The following SLC13A1 variants were observed in gnomAD, a reference collection of about 807,000 sequenced individuals.
The protein encoded by SLC13A1 is solute carrier family 13 member 1.
Under a neutral mutation model 70.0 loss-of-function variants are expected in SLC13A1, and 65 were observed. That is an observed-to-expected ratio of 0.93 (90% CI 0.76 to 1.14). SLC13A1 has a LOEUF of 1.14. SLC13A1 is among the 50% of genes most tolerant of loss of function. The probability of loss-of-function intolerance (pLI) is 0.00; values close to 1 mark genes in which losing one functional copy is unlikely to be tolerated. For synonymous variants in SLC13A1, 275 were observed against 250.5 expected, an observed-to-expected ratio of 1.10 and a Z score of -0.92; for missense variants, 726 against 717.8, an observed-to-expected ratio of 1.01 and a Z score of -0.13.
At chr7:123,161,765 A>C (rs1187329945) in intron 6 of SLC13A1, among the ~76,000 whole-genome samples, 2 of 152,172 alleles carry the variant, frequency 1.3e-5, no homozygotes, top group African/African-American at 4.8e-5. Context: ...TGATAAAACA[A>C]AAGAAAACAA....
chr7:123,191,616 T>A (rs1052350230), intron 1 of SLC13A1, among the ~76,000 whole-genome samples: 1 of 152,188 alleles, frequency 6.6e-6, no homozygotes, highest in Non-Finnish European at 1.5e-5. Flanking sequence ...AGTAGACAGA[T>A]AAACCTGTTT....
intron 2 of SLC13A1, among the ~76,000 whole-genome samples, chr7:123,173,962 G>C (rs983527520): frequency 7.1e-6 from 1 of 140,538 alleles, no homozygotes; most frequent in African/African-American, 2.5e-5. Context: ...TTCCAGAGTC[G>C]GGAAGCTGTT....
intron 6 of SLC13A1, among the ~76,000 whole-genome samples, chr7:123,158,696 G>T (rs1405304009): frequency 6.6e-6 from 1 of 151,560 alleles, no homozygotes. Context: ...AAAGAGAAAA[G>T]ATTGCCTACA....
At chr7:123,171,002 A>C (rs1292180082) in intron 3 of SLC13A1, among the ~76,000 whole-genome samples, 1 of 152,192 alleles carries the variant, frequency 6.6e-6, no homozygotes, top group Non-Finnish European at 1.5e-5. Context: ...TAAATGAAAA[A>C]CACAGATGTG....
chr7:123,141,243 A>G (rs1054512957), intron 7 of SLC13A1, among the ~76,000 whole-genome samples: 1 of 151,986 alleles, frequency 6.6e-6, no homozygotes, highest in African/African-American at 2.4e-5. Context: ...GTATTTGATT[A>G]TTAGCTTTAT....
intron 4 of SLC13A1, among the ~76,000 whole-genome samples, chr7:123,168,872 A>G (rs911933313): frequency 2.0e-5 from 3 of 152,190 alleles, no homozygotes; most frequent in Non-Finnish European, 4.4e-5. Flanking sequence ...AGTAACCTGG[A>G]GGTCTACTGA....
At chr7:123,142,638 C>T (rs1398896377) in intron 7 of SLC13A1, among the ~76,000 whole-genome samples, 8 of 118,802 alleles carry the variant, frequency 6.7e-5, no homozygotes, top group East Asian at 2.6e-4. Context: ...GGGGCAAGAA[C>T]TTTTTTTTTT....
At chr7:123,155,545 T>C (rs1182173353) in intron 6 of SLC13A1, among the ~76,000 whole-genome samples, 1 of 152,108 alleles carries the variant, frequency 6.6e-6, no homozygotes, top group African/African-American at 2.4e-5. Context: ...TTTTATTTAT[T>C]TGGCAATCTC....
chr7:123,149,444 C>G (rs1216787985), intron 6 of SLC13A1: 7 of 456,158 alleles, frequency 1.5e-5, no homozygotes, highest in Non-Finnish European at 3.1e-5. Context: ...TCTATCTCAC[C>G]TTGTTAAGTA....
intron 1 of SLC13A1, among the ~76,000 whole-genome samples, chr7:123,183,410 CT>C (rs1221930962): frequency 6.6e-6 from 1 of 152,116 alleles, no homozygotes; most frequent in African/African-American, 2.4e-5. Context: ...TAGAGATTGA[CT>C]TGTATTTTTT....
rs201362717 is a variant in SLC13A1, at chr7:123,147,261, C to A, written c.710G>T (p.Arg237Leu). ...KYRTKKGHVT[R>L]KLTCLCIAYS... is the part of the protein sequence containing the mutation. The stretch of plus-strand genomic sequence containing the variant: ...GGCAATGCACAAACACGTAAGTTTA[C>A]GTGTCACGTGGCCCTTCTTTGTTCG... The change falls in exon 7 of 15, where the codon CGT (arginine) becomes CTT (leucine). Residue 237 changes from arginine (R) to leucine (L), a missense_variant. Coordinates refer to ENST00000194130, the MANE Select transcript of SLC13A1 (RefSeq NM_022444.4). 1.9e-6 allele frequency: 3 copies of A among 1,613,474 alleles called. No homozygotes were observed. Among genetic ancestry groups the A allele is most frequent in the African/African-American group, 2.7e-5 (2 of 74,868 alleles).
intron 6 of SLC13A1, among the ~76,000 whole-genome samples, chr7:123,158,323 GT>G (rs1161523589): frequency 6.6e-6 from 1 of 151,798 alleles, no homozygotes; most frequent in Non-Finnish European, 1.5e-5. Flanking sequence ...GACAAATAGA[GT>G]TTACATAAAT....
intron 7 of SLC13A1, among the ~76,000 whole-genome samples, chr7:123,138,351 T>C (rs1340170327): frequency 6.6e-6 from 1 of 152,188 alleles, no homozygotes; most frequent in Non-Finnish European, 1.5e-5. Context: ...ATGGCTATTA[T>C]TAATATACAC....
intron 2 of SLC13A1, among the ~76,000 whole-genome samples, chr7:123,173,479 T>G (rs937146011): frequency 5.9e-5 from 9 of 152,184 alleles, no homozygotes; most frequent in African/African-American, 2.2e-4. Flanking sequence ...CCAAAAATAT[T>G]ATAGGAGCAG....
chr7:123,123,091 G>C (rs1793440941), intron 12 of SLC13A1, 35 bp downstream of exon 12: 1 of 1,404,286 alleles, frequency 7.1e-7, no homozygotes, highest in African/African-American at 1.4e-5. Context: ...GAACAGTCTG[G>C]TTAATTGTTA....
intron 6 of SLC13A1, among the ~76,000 whole-genome samples, chr7:123,164,580 CTTTTA>C (rs1224592871): frequency 2.6e-5 from 4 of 151,628 alleles, no homozygotes; most frequent in Middle Eastern, 3.4e-3. Context: ...AAAGCTAAGC[CTTTTA>C]TTTTATTTCT....
Position 123,115,299 on chromosome 7 carries a change from G to T in SLC13A1, c.*219C>A. On this transcript the variant is annotated 3_prime_UTR_variant, in exon 15 of 15. Coordinates refer to ENST00000194130, the MANE Select transcript of SLC13A1 (RefSeq NM_022444.4). ...TTCATGAGCAAAATCTCAAAACATG[G>T]GCTTCTTGATGAAGGCACATAGATG... 2.8e-6 allele frequency: 1 copy of T among 351,030 alleles called. No homozygotes were observed. The highest frequency in any genetic ancestry group is 8.4e-5 in the South Asian group (1 of 11,976). The allele number at this position is 351,030 out of a possible 1,614,324, so 21.7% of individuals were successfully genotyped here.
intron 6 of SLC13A1, among the ~76,000 whole-genome samples, chr7:123,162,665 A>C (rs1000155489): frequency 6.6e-6 from 1 of 152,100 alleles, no homozygotes; most frequent in African/African-American, 2.4e-5. Context: ...TCTAGGAGCC[A>C]GATATTCCAG....
intron 8 of SLC13A1, 142 bp from the exon 9 acceptor site, chr7:123,129,623 A>G (rs1793688230): frequency 1.6e-6 from 1 of 618,914 alleles, no homozygotes; most frequent in Non-Finnish European, 2.8e-6. Flanking sequence ...TTAATAACAG[A>G]TATCTGTGCT....
Sources: gnomAD v4.1 joint callset for allele counts (sites outside exome capture counted in the v4.1 genomes callset) on GRCh38, gnomAD v4.1.1 for gene constraint, MANE v1.5 for transcripts, NCBI Gene and HGNC (gene_info 2026-07-23, HGNC 2026-07-21) for gene names.